CAP2: variants seen among roughly 807,000 people sequenced by gnomAD.
CAP2 encodes the protein adenylyl cyclase-associated protein 2.
CAP2 carries 24 observed loss-of-function variants against 57.7 expected under a neutral mutation model. That is an observed-to-expected ratio of 0.42 (90% CI 0.30 to 0.58). CAP2 has a LOEUF of 0.58. Ranked by LOEUF, CAP2 falls within the 20% of genes least tolerant of loss-of-function variation. The pLI is 0.22. For missense variants in CAP2, 501 were observed against 590.3 expected, an observed-to-expected ratio of 0.85 and a Z score of 1.57; for synonymous variants, 194 against 207.2, an observed-to-expected ratio of 0.94 and a Z score of 0.55.
chr6:17,429,951 A>T (rs2113544199), intron 3 of CAP2, among the ~76,000 whole-genome samples: 1 of 152,328 alleles, frequency 6.6e-6, no homozygotes, highest in African/African-American at 2.4e-5. Context: ...GTTGAACTTT[A>T]TTCCAAGAAC....
intron 7 of CAP2, among the ~76,000 whole-genome samples, chr6:17,518,985 T>C (rs930580331): frequency 6.6e-6 from 1 of 152,190 alleles, no homozygotes; most frequent in African/African-American, 2.4e-5. Flanking sequence ...ACACAGTCCA[T>C]TGCACAAAAC....
At chr6:17,477,837 G>A (rs929922328) in intron 4 of CAP2, among the ~76,000 whole-genome samples, 1 of 151,886 alleles carries the variant, frequency 6.6e-6, no homozygotes, top group Non-Finnish European at 1.5e-5. Flanking sequence ...CTGTCATTTA[G>A]GTTGTTTCAT....
chr6:17,480,282 T>G (rs1028592811), intron 4 of CAP2, among the ~76,000 whole-genome samples: 1 of 152,158 alleles, frequency 6.6e-6, no homozygotes, highest in African/African-American at 2.4e-5. Context: ...CCAATCACAT[T>G]GGACAACACA....
At chr6:17,476,864 CTTTTTTTTTTTTTT>C (rs67003718) in intron 4 of CAP2, among the ~76,000 whole-genome samples, 9 of 72,454 alleles carry the variant, frequency 1.2e-4, no homozygotes, top group South Asian at 1.2e-3. Flanking sequence ...TTTCTTACTT[CTTTTTTTTTTTTTT>C]TTTTTTTTTT....
At chr6:17,426,077 A>T (rs937692227) in intron 2 of CAP2, among the ~76,000 whole-genome samples, 16 of 151,950 alleles carry the variant, frequency 1.1e-4, no homozygotes, top group African/African-American at 3.1e-4. Context: ...CCTGGGTGAC[A>T]GTGAGACCCT....
rs1212796815 is a variant in CAP2, at chr6:17,421,564, C to T, written c.9C>T (p.Asn3=). ...GCCTGTGCTTTTCTAGAATGGCCAA[C>T]ATGCAGGGACTGGTGGAAAGACTGG... is the stretch of plus-strand genomic sequence containing the variant. MA[N]MQGLVERLER... is the part of the protein sequence containing the mutation. The change falls in exon 2 of 13, where the codon AAC becomes AAT. Residue 3 remains asparagine (N), a synonymous_variant. Coordinates refer to ENST00000229922, the MANE Select transcript of CAP2 (RefSeq NM_006366.3). The T allele has an allele frequency of 3.7e-6, 6 of 1,614,068 alleles. No individual in the cohort carries two copies. Among genetic ancestry groups the T allele is most frequent in the Non-Finnish European group, 5.1e-6 (6 of 1,180,028 alleles).
At chr6:17,553,580 C>T (rs568105744) in intron 12 of CAP2, among the ~76,000 whole-genome samples, 1 of 150,808 alleles carries the variant, frequency 6.6e-6, no homozygotes, top group East Asian at 2.0e-4. Flanking sequence ...TTGCAGTGAG[C>T]TGAGATCACG....
intron 1 of CAP2, among the ~76,000 whole-genome samples, chr6:17,417,678 T>C (rs577772936): frequency 6.6e-6 from 1 of 152,326 alleles, no homozygotes; most frequent in African/African-American, 2.4e-5. Flanking sequence ...TGTATATCCT[T>C]TGACCTTTCC....
chr6:17,555,319 C>T (rs1425663957), intron 12 of CAP2, among the ~76,000 whole-genome samples: 6 of 151,860 alleles, frequency 4.0e-5, no homozygotes, highest in Non-Finnish European at 7.4e-5. Context: ...CTCAGCCTCC[C>T]GAGTAGCTGG....
At chr6:17,480,436 T>C (rs1761259216) in intron 4 of CAP2, among the ~76,000 whole-genome samples, 1 of 152,196 alleles carries the variant, frequency 6.6e-6, no homozygotes, top group African/African-American at 2.4e-5. Context: ...AGAACTGCTT[T>C]CTCTAAAGCT....
chr6:17,443,322 C>T (rs1356270268), intron 3 of CAP2, among the ~76,000 whole-genome samples: 1 of 152,124 alleles, frequency 6.6e-6, no homozygotes, highest in African/African-American at 2.4e-5. Context: ...TTACTGAATA[C>T]TGCAGAATAT....
intron 4 of CAP2, among the ~76,000 whole-genome samples, chr6:17,479,947 G>A (rs1761248716): frequency 6.6e-6 from 1 of 151,864 alleles, no homozygotes; most frequent in Non-Finnish European, 1.5e-5. Context: ...TTACAAGCTT[G>A]CTTTTTAAAA....
chr6:17,513,819 T>C lies in CAP2; in HGVS notation c.531-30T>C, dbSNP rs776651640. 6.2e-6 allele frequency: 9 copies of C among 1,461,052 alleles called. No individual in the cohort carries two copies. Among genetic ancestry groups the C allele is most frequent in the South Asian group, 2.3e-5 (2 of 88,116 alleles). 90.5% of individuals were successfully genotyped at this position (1,461,052 alleles called of 1,614,324 possible). ...AAAATTTTATTTTAGATCCTAACTC[T>C]GCTTTCTTCAACCCTCTTTCACAAC... is the stretch of plus-strand genomic sequence containing the variant. On this transcript the variant is annotated intron_variant, in intron 6 of 12. Coordinates refer to ENST00000229922, the MANE Select transcript of CAP2 (RefSeq NM_006366.3). The surrounding 1 kb of genome is among the most constrained non-coding windows in gnomAD (Gnocchi z 4.3).
In CAP2 at chr6:17,520,861, A is replaced by T. The variant is rs563546949; in HGVS notation, c.636+6907A>T. ...TTTTATATCCAAATTTTCATTTAGA[A>T]CTTGTACCAAACCCACACCTTAGGG... is the stretch of plus-strand genomic sequence containing the variant. On this transcript the variant is annotated intron_variant, in intron 7 of 12. Transcript: ENST00000229922. 2.6e-5 allele frequency among the ~76,000 whole-genome samples: 4 copies of T among 152,334 alleles called. No individual in the cohort carries two copies. In the East Asian group the frequency reaches 5.8e-4, roughly 22 times the overall value.
intron 4 of CAP2, among the ~76,000 whole-genome samples, chr6:17,497,140 C>A (rs935271397): frequency 6.6e-6 from 1 of 152,188 alleles, no homozygotes; most frequent in African/African-American, 2.4e-5. Flanking sequence ...GAACTAATTT[C>A]TGATCACTAT....
intron 11 of CAP2, among the ~76,000 whole-genome samples, 196 bp downstream of exon 11, chr6:17,543,339 C>A (rs1438061216): frequency 1.3e-5 from 2 of 152,152 alleles, no homozygotes; most frequent in Non-Finnish European, 2.9e-5. Context: ...GCCTTGCAGC[C>A]AGTCGCGGTG....
chr6:17,456,993 G>T (rs1251571079), intron 3 of CAP2, among the ~76,000 whole-genome samples: 1 of 152,140 alleles, frequency 6.6e-6, no homozygotes, highest in Non-Finnish European at 1.5e-5. Context: ...TTTCACTAGT[G>T]TCTGCTGGCT....
At chr6:17,508,848 C>T (rs1276257581) in intron 6 of CAP2, among the ~76,000 whole-genome samples, 3 of 151,566 alleles carry the variant, frequency 2.0e-5, no homozygotes, top group Non-Finnish European at 2.9e-5. Flanking sequence ...ACCTCTGCCT[C>T]CCGGGTTCAA....
intron 3 of CAP2, among the ~76,000 whole-genome samples, chr6:17,427,841 G>C (rs529979066): frequency 6.6e-6 from 1 of 152,206 alleles, no homozygotes; most frequent in East Asian, 1.9e-4. Context: ...GTTACATGCT[G>C]TAGTATGGAT....
Sources: gnomAD v4.1 joint callset for allele counts (sites outside exome capture counted in the v4.1 genomes callset) on GRCh38, gnomAD v4.1.1 for gene constraint, Gnocchi (gnomAD v3.1) non-coding constraint, MANE v1.5 for transcripts, NCBI Gene and HGNC (gene_info 2026-07-23, HGNC 2026-07-21) for gene names.